Variants in DIP2C observed in about 807,000 individuals in gnomAD.
DIP2C encodes the protein DIP2 acetate--CoA ligase C (putative).
In DIP2C, 33 loss-of-function variants were observed where a neutral mutation model predicts 192.4. That is an observed-to-expected ratio of 0.17 (90% CI 0.13 to 0.23). DIP2C has a LOEUF of 0.23. Among genes scored for constraint, DIP2C ranks in the 10% least tolerant of loss-of-function variants. DIP2C has a pLI of 1.00. For missense variants in DIP2C, 1,537 were observed against 2,110.1 expected (o/e 0.73, Z 5.32); for synonymous variants, 979 against 864.1 (o/e 1.13, Z -2.33).
chr10:540,835 C>G (rs984655417), intron 1 of DIP2C, among the ~76,000 whole-genome samples: 1 of 152,266 alleles, frequency 6.6e-6, no homozygotes, highest in Non-Finnish European at 1.5e-5. Flanking sequence ...ACCCTGTCAT[C>G]TCTGAAACAC....
At chr10:417,803 CACCT>C (rs1965808106) in intron 6 of DIP2C, among the ~76,000 whole-genome samples, 1 of 90,422 alleles carries the variant, frequency 1.1e-5, no homozygotes, top group Non-Finnish European at 2.2e-5. Context: ...CCTCCCTGTC[CACCT>C]GTTCCTGTCA....
chr10:387,882 C>G, intron 13 of DIP2C, 73 bp from the exon 14 acceptor site: 1 of 1,429,762 alleles, frequency 7.0e-7, no homozygotes, highest in Non-Finnish European at 9.9e-7. Context: ...AAACAAAATC[C>G]AATATTGCAT....
chr10:635,704 C>T (rs1466626139), intron 1 of DIP2C, among the ~76,000 whole-genome samples: 3 of 152,206 alleles, frequency 2.0e-5, no homozygotes, highest in Admixed American at 6.5e-5. Flanking sequence ...CCGGGGAAGG[C>T]GGGAAATTGC....
chr10:501,129 C>A (rs1182583264), intron 1 of DIP2C, among the ~76,000 whole-genome samples: 2 of 152,178 alleles, frequency 1.3e-5, no homozygotes, highest in Admixed American at 6.5e-5. Context: ...TGCACTAATT[C>A]ACATTGTGTC....
chr10:485,806 C>G (rs1001052645), intron 2 of DIP2C, among the ~76,000 whole-genome samples: 10 of 152,208 alleles, frequency 6.6e-5, no homozygotes, highest in Non-Finnish European at 1.0e-4. Context: ...ATTCCTCAAG[C>G]CTACCAAATT....
chr10:581,227 C>CA (rs1219981119), intron 1 of DIP2C, among the ~76,000 whole-genome samples: 6 of 152,130 alleles, frequency 3.9e-5, no homozygotes, highest in South Asian at 2.1e-4. Context: ...TTCTTGAATT[C>CA]AGCTGGGGAA....
At chr10:591,167 G>C (rs572434050) in intron 1 of DIP2C, among the ~76,000 whole-genome samples, 1 of 152,276 alleles carries the variant, frequency 6.6e-6, no homozygotes, top group East Asian at 1.9e-4. Context: ...CTGTCACCCA[G>C]GGTGGAGTGG....
chr10:283,368 T>G lies in DIP2C; in HGVS notation c.4198A>C (p.Asn1400His), dbSNP rs779006699. ...GTGTCTCCAAAACTTAGTCTTGAGT[T>G]GAAGTGATCTGACTGGAGGGATTCG... ...GDESLQSDHF[N>H]SRLSFGDTQT... Residue 1400 changes from asparagine to histidine, a missense_variant, in exon 35 of 37, where the codon AAC becomes CAC. Coordinates refer to ENST00000280886, the MANE Select transcript of DIP2C (RefSeq NM_014974.3). 5.6e-6 allele frequency: 9 copies of G among 1,614,060 alleles called. No homozygotes were observed. Among genetic ancestry groups the G allele is most frequent in the Non-Finnish European group, 7.6e-6 (9 of 1,180,034 alleles).
intron 6 of DIP2C, among the ~76,000 whole-genome samples, chr10:417,483 GAA>G (rs1771495542): frequency 1.3e-5 from 2 of 152,232 alleles, no homozygotes; most frequent in Admixed American, 6.5e-5. Flanking sequence ...GGCATTCCAG[GAA>G]AAGTCATCGC....
intron 4 of DIP2C, among the ~76,000 whole-genome samples, chr10:424,815 T>TC (rs913684162): frequency 6.6e-6 from 1 of 152,158 alleles, no homozygotes; most frequent in Non-Finnish European, 1.5e-5. Flanking sequence ...AATCTTTCAT[T>TC]CCCCACTCCC....
intron 2 of DIP2C, 80 bp downstream of exon 2, chr10:486,379 C>G (rs766273850): frequency 7.5e-7 from 1 of 1,330,882 alleles, no homozygotes; most frequent in Non-Finnish European, 1.0e-6. Flanking sequence ...AGCAAGGGAG[C>G]GTCTGCCTCC....
At chr10:362,785 G>C in intron 21 of DIP2C, 94 bp from the exon 22 acceptor site, 1 of 1,334,446 alleles carries the variant, frequency 7.5e-7, no homozygotes, top group Non-Finnish European at 1.0e-6. Flanking sequence ...ATACACAGAA[G>C]TCTGTGCAGT....
intron 12 of DIP2C, 30 bp from the exon 13 acceptor site, chr10:390,123 G>T (rs775741495): frequency 4.3e-5 from 69 of 1,605,084 alleles, no homozygotes; most frequent in Non-Finnish European, 5.5e-5. Context: ...GAGGGAAGTG[G>T]GGCTGACAGG....
At chr10:485,051 GA>G in intron 2 of DIP2C, 1 of 1,382,380 alleles carries the variant, frequency 7.2e-7, no homozygotes. Context: ...ACAGCACACA[GA>G]CCACCAAGGG....
intron 1 of DIP2C, among the ~76,000 whole-genome samples, chr10:588,986 C>G (rs956794473): frequency 2.6e-5 from 4 of 152,210 alleles, no homozygotes; most frequent in African/African-American, 9.6e-5. Flanking sequence ...TGCCTCTGTC[C>G]TCACCACCAC....
At chr10:558,093 G>A (rs552611671) in intron 1 of DIP2C, among the ~76,000 whole-genome samples, 1 of 152,128 alleles carries the variant, frequency 6.6e-6, no homozygotes, top group African/African-American at 2.4e-5. Context: ...CTGGTTTCAC[G>A]CTTGCCTCAT....
intron 1 of DIP2C, chr10:650,462 T>C (rs1238474577): frequency 2.8e-6 from 2 of 706,902 alleles, no homozygotes; most frequent in Admixed American, 4.0e-5. Context: ...CCGGTTATCG[T>C]TCCTAAGAGA....
At position 396,560 on chromosome 10, in the gene DIP2C, C is replaced by T. The variant is rs1031116785; in HGVS notation, c.1260+2549G>A. ...TTCCTGCAAATCATCATTTCACTGT[C>T]GCTTAGAGACCTCAGAGCATGTCCA... On this transcript the variant is annotated intron_variant, in intron 10 of 36. Coordinates refer to ENST00000280886, the MANE Select transcript of DIP2C (RefSeq NM_014974.3). Among the ~76,000 whole-genome samples, 6 of 152,314 alleles carry T rather than the reference C, an allele frequency of 3.9e-5. No homozygotes were observed. The South Asian group carries it at 6.2e-4, about 16-fold the overall frequency.
intron 1 of DIP2C, among the ~76,000 whole-genome samples, chr10:625,876 T>C (rs928435193): frequency 1.3e-5 from 2 of 152,092 alleles, no homozygotes; most frequent in African/African-American, 2.4e-5. Flanking sequence ...AACACTGCAT[T>C]AGAAAGTGAC....
Sources: allele counts gnomAD v4.1 joint callset (sites outside exome capture counted in the v4.1 genomes callset), GRCh38; gene constraint gnomAD v4.1.1; transcripts MANE v1.5; gene names NCBI Gene and HGNC (gene_info 2026-07-23, HGNC 2026-07-21).